The following NELFB variants were observed in gnomAD, a reference collection of about 807,000 sequenced individuals.
NELFB encodes negative elongation factor B.
NELFB carries 34 observed loss-of-function variants against 60.2 expected under a neutral mutation model. The observed-to-expected ratio is 0.56, with a 90% CI of 0.43 to 0.75. The LOEUF (loss-of-function observed/expected upper bound fraction) is 0.75. NELFB is among the 30% of genes least tolerant of loss of function. The pLI, the probability that NELFB is intolerant of heterozygous loss-of-function variation, is 0.00. For synonymous variants in NELFB, 459 were observed against 382.1 expected (o/e 1.20, Z -2.35); for missense variants, 770 against 831.6 (o/e 0.93, Z 0.91).
At chr9:137,262,580 T>C (rs1830462852) in intron 4 of NELFB, among the ~76,000 whole-genome samples, 2 of 152,362 alleles carry the variant, frequency 1.3e-5, no homozygotes. Flanking sequence ...TATAATCATA[T>C]CTATGATCTA....
chr9:137,260,346 G>A lies in NELFB; in HGVS notation c.742-2691G>A, dbSNP rs146017994. Reference sequence around the variant, plus strand: ...ATTACGGGCGTGAGCCACTGAGACCGGCTATTTTATTTTATTATTTTTTTT... The same window carrying A: ...ATTACGGGCGTGAGCCACTGAGACCAGCTATTTTATTTTATTATTTTTTTT... On this transcript the variant is annotated intron_variant, in intron 4 of 12. Transcript: ENST00000343053. Among the ~76,000 whole-genome samples, 983 of 150,154 alleles carry A rather than the reference G, an allele frequency of 6.5e-3. 12 individuals carry two copies. The highest frequency in any genetic ancestry group is 0.023 in the African/African-American group (936 of 41,012).
intron 4 of NELFB, among the ~76,000 whole-genome samples, chr9:137,258,729 A>G (rs1291747709): frequency 6.6e-6 from 1 of 152,148 alleles, no homozygotes. Flanking sequence ...TGCTGGGATT[A>G]CAAGTGTGAG....
At position 137,271,807 on chromosome 9, in the gene NELFB, C is replaced by T. The variant is rs1255236911; in HGVS notation, c.1490-274C>T. Among the ~76,000 whole-genome samples, 2 of 150,382 alleles carry T rather than the reference C, an allele frequency of 1.3e-5. 1 individual carries two copies. The highest frequency in any genetic ancestry group is 4.9e-5 in the African/African-American group (2 of 40,802). ...CGGGCTGTCTCCCCCTCCCTCCACC[C>T]TCCTCCTGTCCCTGGGCTGTCTCCC... On this transcript the variant is annotated intron_variant, in intron 10 of 12. Transcript: ENST00000343053.
chr9:137,272,959 C>T lies in NELFB; in HGVS notation c.*31C>T. ...CTCCAGACCTGCTCGGGTGCTGGGG[C>T]CATGCCGAGTCGCGGCCCTGCTCAG... On this transcript the variant is annotated 3_prime_UTR_variant, in exon 13 of 13. Transcript: ENST00000343053. The T allele has an allele frequency of 1.4e-6, 2 of 1,479,776 alleles. No individual in the cohort carries two copies. Among genetic ancestry groups the T allele is most frequent in the Non-Finnish European group, 9.0e-7 (1 of 1,111,082 alleles). 91.7% of individuals were successfully genotyped at this position (1,479,776 alleles called of 1,614,324 possible).
At chr9:137,265,059 G>T (rs60930409) in intron 6 of NELFB, among the ~76,000 whole-genome samples, 1 of 117,322 alleles carries the variant, frequency 8.5e-6, no homozygotes, top group African/African-American at 3.3e-5. Flanking sequence ...TTTTTTCTGA[G>T]ACAGGGTCTC....
intron 6 of NELFB, among the ~76,000 whole-genome samples, chr9:137,265,031 C>CTTTTTTTTTTTTTTT: frequency 7.9e-6 from 1 of 126,178 alleles, no homozygotes; most frequent in Non-Finnish European, 1.6e-5. Context: ...TTTTTTCTTC[C>CTTTTTTTTTTTTTTT]TTTTTTTTTT....
chr9:137,262,310 G>A (rs1216714453), intron 4 of NELFB, among the ~76,000 whole-genome samples: 1 of 152,068 alleles, frequency 6.6e-6, no homozygotes, highest in Non-Finnish European at 1.5e-5. Context: ...CACATTTTTC[G>A]CTACCGCTAG....
At chr9:137,256,246 T>C in intron 2 of NELFB, 83 bp from the exon 3 acceptor site, 1 of 1,430,274 alleles carries the variant, frequency 7.0e-7, no homozygotes, top group Non-Finnish European at 9.8e-7. Context: ...CTTGTCCTGG[T>C]AGCTGTTATC....
chr9:137,259,691 CT>C (rs1367589918), intron 4 of NELFB, among the ~76,000 whole-genome samples: 1 of 150,224 alleles, frequency 6.7e-6, no homozygotes, highest in Non-Finnish European at 1.5e-5. Context: ...TATTTTACTA[CT>C]TTTTAAAATT....
rs745941906 is a variant in NELFB at position 137,255,662 on chromosome 9, T to A, written c.246+51T>A. 6.6e-5 allele frequency: 100 copies of A among 1,508,664 alleles called. No homozygotes were observed. The Middle Eastern group carries it at 6.7e-4, about 10-fold the overall frequency. 93.5% of individuals were successfully genotyped at this position (1,508,664 alleles called of 1,614,324 possible). A position where few individuals can be genotyped will look rare whatever the true frequency, so the allele number is the denominator to read the frequency against. Reference sequence around the variant, plus strand: ...AGCCCAGTTGGAGGGCCGGGCCGCCTGCTCGGGAGTCGGGCCTGGCGGAGG... The same window carrying A: ...AGCCCAGTTGGAGGGCCGGGCCGCCAGCTCGGGAGTCGGGCCTGGCGGAGG... On this transcript the variant is annotated intron_variant, in intron 1 of 12. Coordinates refer to ENST00000343053, the MANE Select transcript of NELFB (RefSeq NM_015456.5).
chr9:137,273,237 C>T lies in NELFB; in HGVS notation c.*309C>T, dbSNP rs1187066845. ...GTTTTCCAAGGGGAGAGGGCGGGGCCTGAGGGTGGGGGCGGGGCCTCTTCA... is the reference window on the plus strand; with the variant it reads ...GTTTTCCAAGGGGAGAGGGCGGGGCTTGAGGGTGGGGGCGGGGCCTCTTCA... On this transcript the variant is annotated 3_prime_UTR_variant, in exon 13 of 13. Coordinates refer to ENST00000343053, the MANE Select transcript of NELFB (RefSeq NM_015456.5). The T allele has an allele frequency of 3.6e-6, 1 of 279,884 alleles. No individual in the cohort carries two copies. The highest frequency in any genetic ancestry group is 2.2e-5 in the African/African-American group (1 of 44,922). The allele number at this position is 279,884 out of a possible 1,614,324, so 17.3% of individuals were successfully genotyped here.
rs1830532483 is a variant in NELFB, at chr9:137,267,258, C to T, written c.1401C>T (p.Arg467=). The change falls in exon 10 of 13, where the codon CGC becomes CGT. Residue 467 remains arginine, a synonymous_variant. Transcript: ENST00000343053. ...GGCGCAGGTTTCTGCAGGAGCAGCG[C>T]ATGGCCTGCGAGGTGGGGCTGTACT... is the stretch of plus-strand genomic sequence containing the variant. 6 of 1,612,708 alleles carry T rather than the reference C, an allele frequency of 3.7e-6. No homozygotes were observed. In the East Asian group the frequency reaches 6.7e-5, roughly 18 times the overall value.
chr9:137,257,111 G>A (rs1837566864), intron 4 of NELFB, 57 bp downstream of exon 4: 16 of 1,425,976 alleles, frequency 1.1e-5, no homozygotes, highest in Non-Finnish European at 1.5e-5. Flanking sequence ...CACGGCTAGC[G>A]CCTTCAGCTG....
At chr9:137,256,599 C>G (rs1236417717) in intron 3 of NELFB, among the ~76,000 whole-genome samples, 171 bp downstream of exon 3, 1 of 152,214 alleles carries the variant, frequency 6.6e-6, no homozygotes, top group African/African-American at 2.4e-5. Context: ...CGCGTGGAGA[C>G]CGAACCTTAG....
intron 4 of NELFB, among the ~76,000 whole-genome samples, chr9:137,262,390 GT>G (rs1830459763): frequency 6.6e-6 from 1 of 152,162 alleles, no homozygotes; most frequent in African/African-American, 2.4e-5. Flanking sequence ...GAGCCCTCTG[GT>G]GGCCCTGTCC....
At chr9:137,264,050 C>T (rs1830488999) in intron 5 of NELFB, among the ~76,000 whole-genome samples, 195 bp from the exon 6 acceptor site, 1 of 152,234 alleles carries the variant, frequency 6.6e-6, no homozygotes, top group Admixed American at 6.5e-5. Context: ...ACTTTCTCCA[C>T]CACTGTCCTG....
chr9:137,263,148 C>A lies in NELFB; in HGVS notation c.853C>A (p.Leu285Met), dbSNP rs768940546. 6.2e-7 allele frequency: 1 copy of A among 1,614,086 alleles called. No homozygotes were observed. The highest frequency in any genetic ancestry group is 8.5e-7 in the Non-Finnish European group (1 of 1,179,996). ...CACGCGGAATGTGCACTACTGCACG[C>A]TGCGGGCTGAGCTGCTCATGTCCCT... The change falls in exon 5 of 13, where the codon CTG (leucine) becomes ATG (methionine). Residue 285 changes from leucine to methionine, a missense_variant. Physicochemically the swap from Leu to Met is conservative, Grantham distance 15. Coordinates refer to ENST00000343053, the MANE Select transcript of NELFB (RefSeq NM_015456.5).
At chr9:137,256,588 C>T (rs1837555454) in intron 3 of NELFB, among the ~76,000 whole-genome samples, 160 bp downstream of exon 3, 1 of 152,222 alleles carries the variant, frequency 6.6e-6, no homozygotes, top group Non-Finnish European at 1.5e-5. Flanking sequence ...CCCACATGAG[C>T]CGCGTGGAGA....
At chr9:137,260,448 G>GT (rs1830422708) in intron 4 of NELFB, among the ~76,000 whole-genome samples, 1 of 115,692 alleles carries the variant, frequency 8.6e-6, no homozygotes, top group African/African-American at 3.1e-5. Flanking sequence ...TTTTATTTTA[G>GT]TTTGTTTTAT....
Sources: gnomAD v4.1 joint callset for allele counts (sites outside exome capture counted in the v4.1 genomes callset) on GRCh38, gnomAD v4.1.1 for gene constraint, MANE v1.5 for transcripts, NCBI Gene and HGNC (gene_info 2026-07-23, HGNC 2026-07-21) for gene names.